TAS1R2: variants seen among roughly 807,000 people sequenced by gnomAD.
TAS1R2 encodes the protein taste receptor type 1 member 2.
Under a neutral mutation model 49.3 loss-of-function variants are expected in TAS1R2, and 47 were observed. That is an observed-to-expected ratio of 0.95 (90% CI 0.75 to 1.22). The LOEUF (loss-of-function observed/expected upper bound fraction) is 1.22, where lower values mean the gene tolerates loss of function less well. Ranked by LOEUF, TAS1R2 falls within the 50% of genes most tolerant of loss-of-function variation. TAS1R2 has a pLI of 0.00. For missense variants in TAS1R2, 1,155 were observed against 1,122.1 expected (o/e 1.03, Z -0.42); for synonymous variants, 479 against 467.9 (o/e 1.02, Z -0.31).
At chr1:18,857,820 C>A (rs755089647) in intron 1 of TAS1R2, among the ~76,000 whole-genome samples, 189 bp from the exon 2 acceptor site, 1 of 152,106 alleles carries the variant, frequency 6.6e-6, no homozygotes, top group African/African-American at 2.4e-5. Flanking sequence ...GTCACCATTG[C>A]CCATATGGCC....
chr1:18,843,399 A>T (rs1426207172), intron 4 of TAS1R2, among the ~76,000 whole-genome samples: 2 of 152,228 alleles, frequency 1.3e-5, no homozygotes. Context: ...CAGGACATCC[A>T]TTCTAAGATA....
chr1:18,850,406 A>C (rs1011049946), intron 3 of TAS1R2, among the ~76,000 whole-genome samples: 1 of 152,212 alleles, frequency 6.6e-6, no homozygotes, highest in Non-Finnish European at 1.5e-5. Flanking sequence ...ACAGGTAGCC[A>C]AGGGAGTCGG....
At chr1:18,853,955 G>A (rs1217153702) in intron 3 of TAS1R2, among the ~76,000 whole-genome samples, 2 of 152,170 alleles carry the variant, frequency 1.3e-5, no homozygotes, top group East Asian at 1.9e-4. Context: ...GAGACTGGGG[G>A]AGGGGGGCGC....
intron 4 of TAS1R2, among the ~76,000 whole-genome samples, chr1:18,846,190 T>G (rs1933917256): frequency 6.6e-6 from 1 of 152,178 alleles, no homozygotes; most frequent in South Asian, 2.1e-4. Context: ...TATTCTGCCC[T>G]AAGGCTGCAG....
intron 3 of TAS1R2, among the ~76,000 whole-genome samples, chr1:18,851,106 A>G (rs1402322261): frequency 6.6e-6 from 1 of 152,162 alleles, no homozygotes; most frequent in Non-Finnish European, 1.5e-5. Flanking sequence ...CATTCCAGGT[A>G]TGATAGCTAA....
At chr1:18,840,433 A>G in exon 6 of TAS1R2, 1 of 1,614,158 alleles carries the variant, frequency 6.2e-7, no homozygotes. Context: ...TGGGTGCCTC[A>G]TGCCATTCCA....
chr1:18,839,770 G>A (rs1445962117), exon 6 of TAS1R2: 8 of 1,614,238 alleles, frequency 5.0e-6, no homozygotes, highest in Non-Finnish European at 5.9e-6. Context: ...GCACCCCGCT[G>A]TAGGCAGACA....
At chr1:18,848,052 T>C (rs1933953905) in intron 4 of TAS1R2, among the ~76,000 whole-genome samples, 1 of 152,144 alleles carries the variant, frequency 6.6e-6, no homozygotes, top group Non-Finnish European at 1.5e-5. Context: ...TCACACTGGA[T>C]CCCTCTCACA....
rs368737649 is a variant in TAS1R2 at position 18,854,762 on chromosome 1, G to A, written c.708C>T (p.Phe236=). 1.5e-5 allele frequency: 24 copies of A among 1,609,954 alleles called. No homozygotes were observed. The highest frequency in any genetic ancestry group is 1.6e-4 in the Middle Eastern group (1 of 6,078). Residue 236 remains phenylalanine (F), a synonymous_variant, in exon 3 of 6, where the codon TTC becomes TTT. Coordinates refer to ENST00000375371, the Ensembl canonical transcript of TAS1R2. The surrounding 1 kb of genome is among the most constrained non-coding windows in gnomAD (Gnocchi z 4.9). Reference sequence around the variant, plus strand: ...GCTGCAGTGTGGGCAGCGTCTCCTGGAAGGCGATGCAGATGTCGCGCCGGG... The same window carrying A: ...GCTGCAGTGTGGGCAGCGTCTCCTGAAAGGCGATGCAGATGTCGCGCCGGG...
chr1:18,853,105 C>T (rs1281023230), intron 3 of TAS1R2, among the ~76,000 whole-genome samples: 1 of 152,166 alleles, frequency 6.6e-6, no homozygotes, highest in Non-Finnish European at 1.5e-5. Context: ...ATGGGCCAGA[C>T]CTGGGTTCAA....
intron 2 of TAS1R2, among the ~76,000 whole-genome samples, chr1:18,855,682 A>T (rs1934126968): frequency 1.3e-5 from 2 of 152,128 alleles, no homozygotes; most frequent in Non-Finnish European, 2.9e-5. Context: ...CTTCAGATGC[A>T]TACCACAACT....
intron 2 of TAS1R2, among the ~76,000 whole-genome samples, chr1:18,855,860 C>T (rs1401249083): frequency 5.3e-5 from 8 of 152,184 alleles, no homozygotes; most frequent in Non-Finnish European, 1.2e-4. Flanking sequence ...ACACAGGTCA[C>T]ACTGGATCCA....
chr1:18,850,663 G>T (rs991888525), intron 3 of TAS1R2, among the ~76,000 whole-genome samples: 6 of 152,238 alleles, frequency 3.9e-5, no homozygotes, highest in Admixed American at 3.9e-4. Flanking sequence ...GGACTTGAGG[G>T]ATCCAAGATA....
At chr1:18,846,931 C>A (rs1260837032) in intron 4 of TAS1R2, among the ~76,000 whole-genome samples, 2 of 152,168 alleles carry the variant, frequency 1.3e-5, no homozygotes, top group Non-Finnish European at 2.9e-5. Flanking sequence ...TGAGTGAGTT[C>A]TTGTGAGATC....
At chr1:18,858,266 C>G (rs952149665) in intron 1 of TAS1R2, 19 of 153,350 alleles carry the variant, frequency 1.2e-4, no homozygotes, top group African/African-American at 4.1e-4. Flanking sequence ...CCATCACCAA[C>G]GTCATCACTA....
At chr1:18,848,050 G>T (rs1933953822) in intron 4 of TAS1R2, among the ~76,000 whole-genome samples, 1 of 152,196 alleles carries the variant, frequency 6.6e-6, no homozygotes, top group African/African-American at 2.4e-5. Context: ...TCTCACACTG[G>T]ATCCCTCTCA....
intron 4 of TAS1R2, 23 bp from the exon 5 acceptor site, chr1:18,841,875 C>T: frequency 6.4e-7 from 1 of 1,555,388 alleles, no homozygotes; most frequent in Non-Finnish European, 8.8e-7. Flanking sequence ...GGGCAAGAGA[C>T]CCTGAGTCCT....
chr1:18,859,481 C>T, exon 1 of TAS1R2: 4 of 1,614,068 alleles, frequency 2.5e-6, no homozygotes, highest in Admixed American at 1.7e-5. Flanking sequence ...AGACTCACTC[C>T]TTGCACATGG....
intron 4 of TAS1R2, among the ~76,000 whole-genome samples, chr1:18,845,338 G>A (rs1339774502): frequency 6.6e-6 from 1 of 152,204 alleles, no homozygotes; most frequent in South Asian, 2.1e-4. Context: ...GCAAGGTGGG[G>A]ACACTGCCCT....
Sources: allele counts gnomAD v4.1 joint callset (sites outside exome capture counted in the v4.1 genomes callset), GRCh38; gene constraint gnomAD v4.1.1; non-coding constraint Gnocchi (gnomAD v3.1); transcripts MANE v1.5; gene names NCBI Gene and HGNC (gene_info 2026-07-23, HGNC 2026-07-21).